The following NELL1 variants were observed in gnomAD, a reference collection of about 807,000 sequenced individuals.
NELL1 encodes the protein neural EGFL like 1.
Under a neutral mutation model 107.4 loss-of-function variants are expected in NELL1, and 76 were observed. The observed-to-expected ratio is 0.71, with a 90% CI of 0.59 to 0.86. The LOEUF (loss-of-function observed/expected upper bound fraction) is 0.86, where lower values mean the gene tolerates loss of function less well. NELL1 is among the 40% of genes least tolerant of loss of function. The pLI is 0.00. For missense variants in NELL1, 1,024 were observed against 1,005.5 expected (o/e 1.02, Z -0.25); for synonymous variants, 353 against 341.2 (o/e 1.03, Z -0.38).
chr11:21,068,032 CAAAAAAAAA>C (rs1195285619), intron 12 of NELL1, among the ~76,000 whole-genome samples: 7 of 40,386 alleles, frequency 1.7e-4, no homozygotes, highest in Middle Eastern at 0.033. Flanking sequence ...GATGCCATCT[CAAAAAAAAA>C]AAAAAAAAAA....
chr11:20,939,691 C>A (rs959552926), intron 10 of NELL1, among the ~76,000 whole-genome samples: 2 of 152,162 alleles, frequency 1.3e-5, no homozygotes, highest in Non-Finnish European at 2.9e-5. Context: ...CAAGAGAACA[C>A]TGTGGTACTC....
intron 4 of NELL1, among the ~76,000 whole-genome samples, chr11:20,855,353 A>G (rs1008251797): frequency 2.0e-5 from 3 of 152,174 alleles, no homozygotes; most frequent in Admixed American, 1.3e-4. Flanking sequence ...AAGAACTGGG[A>G]AAAAATACAA....
At chr11:20,922,950 T>G (rs1243701602) in intron 7 of NELL1, among the ~76,000 whole-genome samples, 2 of 152,138 alleles carry the variant, frequency 1.3e-5, no homozygotes, top group Non-Finnish European at 2.9e-5. Flanking sequence ...CTGTTTATAC[T>G]CTTAAACCTA....
chr11:21,417,866 A>G (rs1218788458), intron 15 of NELL1, among the ~76,000 whole-genome samples: 1 of 152,010 alleles, frequency 6.6e-6, no homozygotes, highest in African/African-American at 2.4e-5. Context: ...AAAACACAAA[A>G]TGAAACAAAA....
At position 21,326,121 on chromosome 11, in the gene NELL1, T is replaced by C. The variant is rs1224365087; in HGVS notation, c.1550-44732T>C. Among the ~76,000 whole-genome samples the C allele has an allele frequency of 1.8e-4, 16 of 88,642 alleles. No individual in the cohort carries two copies. The East Asian group carries it at 4.5e-3, about 25-fold the overall frequency. 58.2% of individuals were successfully genotyped at this position (88,642 alleles called of 152,430 possible). On this transcript the variant is annotated intron_variant, in intron 14 of 19. Transcript: ENST00000357134. ...AAAGCTTAAATGAACACTCTTACACTAATTCTCTTTTTGGCTTTATATCTA... is the reference window on the plus strand; with the variant it reads ...AAAGCTTAAATGAACACTCTTACACCAATTCTCTTTTTGGCTTTATATCTA...
chr11:21,522,829 CTTTTCTTTTTTTTTTTTTT>C (rs1261613427), intron 15 of NELL1, among the ~76,000 whole-genome samples: 1 of 109,188 alleles, frequency 9.2e-6, no homozygotes, highest in African/African-American at 3.1e-5. Flanking sequence ...CTATTTTTTT[CTTTTCTTTTTTTTTTTTTT>C]TTTTTTTTTT....
intron 15 of NELL1, among the ~76,000 whole-genome samples, chr11:21,460,104 G>T (rs1020665443): frequency 2.0e-5 from 3 of 152,042 alleles, no homozygotes; most frequent in Non-Finnish European, 4.4e-5. Context: ...TGGGATAGGG[G>T]TTGTTTACTT....
Position 20,712,759 on chromosome 11 carries a change from C to T in NELL1, c.184+34699C>T, listed in dbSNP as rs965385002. Among the ~76,000 whole-genome samples the T allele has an allele frequency of 4.6e-5, 7 of 152,240 alleles. No individual in the cohort carries two copies. The South Asian group carries it at 1.5e-3, about 32-fold the overall frequency. ...ATTGTTATTGCTCTTCGGGTTTTAG[C>T]CATCCAGTGGGGCTACCAGGCTCTA... is the stretch of plus-strand genomic sequence containing the variant. On this transcript the variant is annotated intron_variant, in intron 2 of 19. Transcript: ENST00000357134.
intron 14 of NELL1, among the ~76,000 whole-genome samples, chr11:21,252,436 G>A (rs922366393): frequency 6.6e-6 from 1 of 152,138 alleles, no homozygotes; most frequent in South Asian, 2.1e-4. Flanking sequence ...TTGACACCAA[G>A]TTGTGCCTGA....
chr11:21,277,192 A>G (rs1200773423), intron 14 of NELL1, among the ~76,000 whole-genome samples: 2 of 152,212 alleles, frequency 1.3e-5, no homozygotes, highest in African/African-American at 2.4e-5. Flanking sequence ...GAACTCAAAC[A>G]AATCTACAAG....
At chr11:21,113,880 T>A (rs564232860) in intron 13 of NELL1, among the ~76,000 whole-genome samples, 166 bp downstream of exon 13, 2 of 152,108 alleles carry the variant, frequency 1.3e-5, no homozygotes, top group South Asian at 2.1e-4. Flanking sequence ...ATAAATAAAT[T>A]ATCTGCATAA....
intron 15 of NELL1, among the ~76,000 whole-genome samples, chr11:21,509,391 G>A (rs547749127): frequency 6.6e-6 from 1 of 152,278 alleles, no homozygotes; most frequent in Non-Finnish European, 1.5e-5. Context: ...TCTTGTGCAT[G>A]TATAAAAGAA....
rs549280734 is a variant in NELL1, at chr11:21,495,158, C to T, written c.1646-39216C>T. Reference sequence around the variant, plus strand: ...CTCCGTACTCATTAAGCAATCACTCCGCGTAATCCCTTTCCCCTAACCACA... The same window carrying T: ...CTCCGTACTCATTAAGCAATCACTCTGCGTAATCCCTTTCCCCTAACCACA... On this transcript the variant is annotated intron_variant, in intron 15 of 19. Coordinates refer to ENST00000357134, the MANE Select transcript of NELL1 (RefSeq NM_006157.5). Among the ~76,000 whole-genome samples the T allele has an allele frequency of 2.6e-5, 4 of 152,212 alleles. No individual in the cohort carries two copies. The East Asian group carries it at 5.8e-4, about 22-fold the overall frequency.
chr11:20,931,397 A>G (rs938583242), intron 9 of NELL1, among the ~76,000 whole-genome samples: 2 of 152,212 alleles, frequency 1.3e-5, no homozygotes, highest in African/African-American at 4.8e-5. Context: ...AGATGTTTCC[A>G]ATGTCTTCAC....
intron 13 of NELL1, among the ~76,000 whole-genome samples, chr11:21,185,703 C>T (rs1321706698): frequency 6.6e-6 from 1 of 151,804 alleles, no homozygotes; most frequent in Non-Finnish European, 1.5e-5. Flanking sequence ...GTTGTTGTGA[C>T]TAAATGTGAT....
At chr11:20,756,421 C>T (rs1467998424) in intron 2 of NELL1, among the ~76,000 whole-genome samples, 1 of 151,770 alleles carries the variant, frequency 6.6e-6, no homozygotes, top group East Asian at 1.9e-4. Flanking sequence ...TCACTGAAAG[C>T]TCCGCCTCCT....
At chr11:20,979,671 T>C (rs138655541) in intron 12 of NELL1, among the ~76,000 whole-genome samples, 2 of 152,334 alleles carry the variant, frequency 1.3e-5, no homozygotes, top group East Asian at 3.9e-4. Context: ...TTGAAATCTT[T>C]AAATTCTTGA....
chr11:20,991,988 A>G (rs570204207), intron 12 of NELL1, among the ~76,000 whole-genome samples: 17 of 75,264 alleles, frequency 2.3e-4, no homozygotes, highest in Admixed American at 2.0e-3. Flanking sequence ...CCAGTGTAGC[A>G]TGCAAAAAAA....
intron 2 of NELL1, among the ~76,000 whole-genome samples, chr11:20,722,821 G>T (rs1481051706): frequency 6.6e-6 from 1 of 152,198 alleles, no homozygotes; most frequent in Admixed American, 6.5e-5. Flanking sequence ...TTCTCACACT[G>T]CTATAAAGAT....
Sources: allele counts gnomAD v4.1 joint callset (sites outside exome capture counted in the v4.1 genomes callset), GRCh38; gene constraint gnomAD v4.1.1; transcripts MANE v1.5; gene names NCBI Gene and HGNC (gene_info 2026-07-23, HGNC 2026-07-21).